LCOR: variants seen among roughly 807,000 people sequenced by gnomAD.
LCOR encodes the protein ligand-dependent corepressor.
LCOR carries 14 observed loss-of-function variants against 64.4 expected under a neutral mutation model. The ratio of observed to expected loss-of-function variants is 0.22; its 90% confidence interval spans 0.14 to 0.34. LCOR has a LOEUF of 0.34. Among genes scored for constraint, LCOR ranks in the 10% least tolerant of loss-of-function variants. LCOR has a pLI of 1.00. For missense variants in LCOR, 1,686 were observed against 1,765.3 expected, an observed-to-expected ratio of 0.96 and a Z score of 0.80; for synonymous variants, 643 against 642.5, an observed-to-expected ratio of 1.00 and a Z score of -0.01.
At chr10:96,869,151 C>T (rs549384911) in intron 2 of LCOR, among the ~76,000 whole-genome samples, 2 of 152,290 alleles carry the variant, frequency 1.3e-5, no homozygotes, top group East Asian at 3.9e-4. Flanking sequence ...AAGTGATCCC[C>T]CCGCTTCGGC....
At chr10:96,955,510 C>T in intron 7 of LCOR, 1 of 1,614,088 alleles carries the variant, frequency 6.2e-7, no homozygotes, top group East Asian at 2.2e-5. Context: ...GCTATTCTTC[C>T]AAAACAAAGT....
intron 4 of LCOR, among the ~76,000 whole-genome samples, chr10:96,937,578 C>T (rs1215617303): frequency 6.6e-6 from 1 of 152,020 alleles, no homozygotes; most frequent in African/African-American, 2.4e-5. Context: ...TCTTGAACTC[C>T]TGGGCTCAAG....
intron 2 of LCOR, among the ~76,000 whole-genome samples, chr10:96,848,903 T>G (rs1468123962): frequency 6.6e-6 from 1 of 152,044 alleles, no homozygotes; most frequent in Non-Finnish European, 1.5e-5. Context: ...TATCTTTTCT[T>G]TATACTTTTT....
At chr10:96,975,013 A>C (rs1442770466) in intron 7 of LCOR, among the ~76,000 whole-genome samples, 2 of 152,162 alleles carry the variant, frequency 1.3e-5, no homozygotes, top group African/African-American at 2.4e-5. Context: ...GCTAGTAAAA[A>C]TACAAAAATT....
chr10:96,987,908 C>T lies in LCOR; in HGVS notation c.*2774C>T, dbSNP rs1386063757. 3.3e-5 allele frequency: 5 copies of T among 152,232 alleles called. No homozygotes were observed. Among genetic ancestry groups the T allele is most frequent in the African/African-American group, 1.2e-4 (5 of 41,458 alleles). 9.4% of individuals were successfully genotyped at this position (152,232 alleles called of 1,614,324 possible). A position where few individuals can be genotyped will look rare whatever the true frequency, so the allele number is the denominator to read the frequency against. ...CAGAGCCATCTTCAAGAATGGCTTA[C>T]CACACCAGATGCAAAAGCAGTCCAT... On this transcript the variant is annotated 3_prime_UTR_variant, in exon 8 of 8. Transcript: ENST00000421806.
chr10:96,877,598 ATTTTTTTTTT>A (rs57119025), intron 2 of LCOR, among the ~76,000 whole-genome samples: 16 of 65,684 alleles, frequency 2.4e-4, no homozygotes, highest in East Asian at 1.8e-3. Flanking sequence ...ATTTTTCTGA[ATTTTTTTTTT>A]TTTTTTTTTT....
At chr10:96,935,139 C>CT (rs34176037) in intron 4 of LCOR, among the ~76,000 whole-genome samples, 1,302 of 65,550 alleles carry the variant, frequency 0.02, 276 homozygotes, top group Non-Finnish European at 0.027. Context: ...GGCTATTTTA[C>CT]TTTTTTTTTT....
rs774513867 is a variant in LCOR, at chr10:96,983,502, G to C, written c.3042G>C (p.Gly1014=). 3 of 1,613,980 alleles carry C rather than the reference G, an allele frequency of 1.9e-6. No homozygotes were observed. Among genetic ancestry groups the C allele is most frequent in the Non-Finnish European group, 2.5e-6 (3 of 1,180,038 alleles). ...GTGATGCCCCATGCAGCTCTCTTGG[G>C]TTGTCGAGTAGTGGAAGTGGTGATG... The part of the protein sequence containing the change: ...DESDAPCSSL[G]LSSSGSGDAA... Residue 1014 remains glycine, a synonymous_variant, in exon 8 of 8, where the codon GGG becomes GGC. Coordinates refer to ENST00000421806, the MANE Select transcript of LCOR (RefSeq NM_001346516.2). This position sits in a 1 kb window ranked among gnomAD's most constrained non-coding sequence, Gnocchi z 4.5.
intron 2 of LCOR, among the ~76,000 whole-genome samples, chr10:96,840,740 CAA>C (rs1259707437): frequency 2.8e-4 from 42 of 152,100 alleles, no homozygotes; most frequent in African/African-American, 2.4e-5. Context: ...AGCTTAAAGA[CAA>C]AAAATAAATT....
rs541437297 is a variant in LCOR, at chr10:96,970,446, G to A, written c.333-10347G>A. 5.9e-5 allele frequency among the ~76,000 whole-genome samples: 9 copies of A among 151,582 alleles called. No homozygotes were observed. The South Asian group carries it at 1.9e-3, about 32-fold the overall frequency. ...AAATAAATTGACTTGAGGTATTTTT[G>A]CCAAGAAGACCTGGCAGTGTAATTT... On this transcript the variant is annotated intron_variant, in intron 7 of 7. Transcript: ENST00000421806.
At chr10:96,966,374 G>A (rs1190219176) in intron 7 of LCOR, among the ~76,000 whole-genome samples, 1 of 151,410 alleles carries the variant, frequency 6.6e-6, no homozygotes, top group Non-Finnish European at 1.5e-5. Context: ...GACTACAGGC[G>A]CCCGCCAACA....
At chr10:96,837,492 G>A (rs577389796) in intron 2 of LCOR, among the ~76,000 whole-genome samples, 8 of 151,520 alleles carry the variant, frequency 5.3e-5, no homozygotes, top group South Asian at 2.1e-4. Context: ...TCCTGACCTC[G>A]TGATCCACCA....
chr10:96,891,530 CTTTTTTTTTTTTTTTTTTTTTTT>C (rs71007307), intron 2 of LCOR, among the ~76,000 whole-genome samples: 1 of 7,638 alleles, frequency 1.3e-4, no homozygotes, highest in African/African-American at 4.1e-4. Context: ...TGTCTTGACT[CTTTTTTTTTTTTTTTTTTTTTTT>C]TTTTTTTTTT....
chr10:96,923,694 C>G (rs1847119913), intron 4 of LCOR, among the ~76,000 whole-genome samples: 1 of 152,190 alleles, frequency 6.6e-6, no homozygotes, highest in Non-Finnish European at 1.5e-5. Context: ...GGACTAGATT[C>G]CATGCTGACA....
chr10:96,936,586 G>A (rs1018004513), intron 4 of LCOR, among the ~76,000 whole-genome samples: 7 of 152,230 alleles, frequency 4.6e-5, no homozygotes, highest in African/African-American at 1.7e-4. Context: ...AACACAATGT[G>A]TATGCCAGCA....
chr10:96,888,591 A>T (rs181687287), intron 2 of LCOR, among the ~76,000 whole-genome samples: 1 of 152,250 alleles, frequency 6.6e-6, no homozygotes, highest in East Asian at 1.9e-4. Flanking sequence ...ATGCTTTCCA[A>T]ATGACCAGTA....
intron 7 of LCOR, among the ~76,000 whole-genome samples, chr10:96,953,446 G>A (rs1301628027): frequency 6.6e-6 from 1 of 152,110 alleles, no homozygotes; most frequent in East Asian, 1.9e-4. Flanking sequence ...AGCTACTAAG[G>A]AGGCTGAGGT....
At chr10:96,923,075 A>C (rs1264809719) in intron 4 of LCOR, among the ~76,000 whole-genome samples, 1 of 152,260 alleles carries the variant, frequency 6.6e-6, no homozygotes, top group Non-Finnish European at 1.5e-5. Flanking sequence ...AATTGACCTT[A>C]AAGTGTATGG....
intron 2 of LCOR, among the ~76,000 whole-genome samples, chr10:96,873,606 G>T (rs959458512): frequency 7.5e-6 from 1 of 133,874 alleles, no homozygotes; most frequent in Non-Finnish European, 1.6e-5. Context: ...GTGTGTGTGT[G>T]TGTGTGTGTG....
Sources: allele counts gnomAD v4.1 joint callset (sites outside exome capture counted in the v4.1 genomes callset), GRCh38; gene constraint gnomAD v4.1.1; non-coding constraint Gnocchi (gnomAD v3.1); transcripts MANE v1.5; gene names NCBI Gene and HGNC (gene_info 2026-07-23, HGNC 2026-07-21).